Variants in NBPF20 observed in about 807,000 individuals in gnomAD.
The protein encoded by NBPF20 is NBPF member 20.
In NBPF20, 90 loss-of-function variants were observed where a neutral mutation model predicts 68.1. That is an observed-to-expected ratio of 1.32 (90% CI 1.11 to 1.58). NBPF20 has a LOEUF of 1.58. Ranked by LOEUF, NBPF20 falls within the 40% of genes most tolerant of loss-of-function variation. NBPF20 has a pLI of 0.00. For synonymous variants in NBPF20, 290 were observed against 228.1 expected (o/e 1.27, Z -2.45); for missense variants, 816 against 601.2 (o/e 1.36, Z -3.74).
At chr1:145,400,908 C>T (rs1233536093) in intron 5 of NBPF20, among the ~76,000 whole-genome samples, 151 bp downstream of exon 10, 3,242 of 151,878 alleles carry the variant, frequency 0.021, 42 homozygotes, top group Middle Eastern at 0.061. Flanking sequence ...TGACAGCTGC[C>T]GCACCCTGTG....
intron 129 of NBPF20, among the ~76,000 whole-genome samples, chr1:145,298,339 C>T (rs1434443995): frequency 7.1e-6 from 1 of 141,158 alleles, no homozygotes; most frequent in African/African-American, 3.0e-5. Flanking sequence ...TAGACACACA[C>T]ACACACACAC....
chr1:145,292,471 T>A (rs782258366), exon 137 of NBPF20: 2 of 716,774 alleles, frequency 2.8e-6, no homozygotes, highest in Non-Finnish European at 5.0e-6. Flanking sequence ...TTTCTTCCCC[T>A]TCCCCTTCTT....
upstream of NBPF20, among the ~76,000 whole-genome samples, chr1:145,405,955 GT>G (rs1662758660): frequency 6.7e-6 from 1 of 148,568 alleles, no homozygotes; most frequent in South Asian, 2.1e-4. Context: ...GTCTCACTCT[GT>G]CGCCCAGGCT....
intron 137 of NBPF20, 33 bp downstream of exon 142, chr1:145,292,348 C>T: frequency 1.5e-6 from 1 of 658,662 alleles, no homozygotes; most frequent in Non-Finnish European, 2.7e-6. Flanking sequence ...GGTGTTAACA[C>T]AGAATTAAGC....
the NBPF20 span, among the ~76,000 whole-genome samples, chr1:145,421,527 C>T: frequency 6.6e-6 from 1 of 152,068 alleles, no homozygotes; most frequent in East Asian, 1.9e-4. Flanking sequence ...ATTCATTTAA[C>T]AAATATTTAT....
chr1:145,378,084 C>G, exon 29 of NBPF20: 3 of 204,758 alleles, frequency 1.5e-5, no homozygotes, highest in East Asian at 2.3e-4. Flanking sequence ...CTTCTTGGTA[C>G]TTTTCAATTT....
At chr1:145,411,190 G>C in the NBPF20 span, among the ~76,000 whole-genome samples, 6 of 144,812 alleles carry the variant, frequency 4.1e-5, no homozygotes, top group African/African-American at 7.5e-5. Flanking sequence ...CAAAATGCCG[G>C]TTGGAATTTT....
intron 112 of NBPF20, among the ~76,000 whole-genome samples, 171 bp from the exon 118 acceptor site, chr1:145,311,659 G>C (rs1334525041): frequency 1.2e-4 from 3 of 25,792 alleles, no homozygotes; most frequent in Non-Finnish European, 1.7e-4. Context: ...AGATTCCTTG[G>C]TTTTTGTCCC....
exon 138 of NBPF20, chr1:145,291,538 T>C (rs782245134): frequency 1.9e-6 from 3 of 1,612,022 alleles, no homozygotes; most frequent in Non-Finnish European, 2.5e-6. Flanking sequence ...ATTGTGGGAA[T>C]ATGACTCCCA....
chr1:145,423,837 C>G, the NBPF20 span, among the ~76,000 whole-genome samples: 5 of 152,148 alleles, frequency 3.3e-5, no homozygotes, highest in African/African-American at 9.7e-5. Context: ...GGAAAACATT[C>G]AACAATATGT....
exon 138 of NBPF20, chr1:145,291,367 C>G (rs1186935915): frequency 2.2e-5 from 34 of 1,522,192 alleles, no homozygotes; most frequent in Non-Finnish European, 2.7e-5. Context: ...AGACTGAGCA[C>G]AGGTTGCCAC....
chr1:145,394,240 C>A (rs1280480784), intron 8 of NBPF20, among the ~76,000 whole-genome samples: 3 of 151,726 alleles, frequency 2.0e-5, no homozygotes, highest in Non-Finnish European at 4.4e-5. Flanking sequence ...AGTTCTAACA[C>A]CTCATAGGAG....
At chr1:145,396,329 G>C (rs1662236131) in intron 7 of NBPF20, among the ~76,000 whole-genome samples, 1 of 151,724 alleles carries the variant, frequency 6.6e-6, no homozygotes, top group South Asian at 2.1e-4. Flanking sequence ...AAATGAACAA[G>C]CCTCCAATAA....
At position 145,292,608 on chromosome 1, in the gene NBPF20, T is replaced by A. The variant is rs587661599; in HGVS notation, c.16589-119A>T. ...TCCCCAGCATAAGAATAGGACACTT[T>A]GAGAGATATATTTCAGGAGGCCTGA... On this transcript the variant is annotated intron_variant, in intron 136 of 137. Transcript: ENST00000369373. The A allele has an allele frequency of 8.0e-6, 6 of 747,870 alleles. 1 individual carries two copies. Among genetic ancestry groups the A allele is most frequent in the South Asian group, 5.5e-5 (4 of 72,898 alleles). The allele number at this position is 747,870 out of a possible 1,614,324, so 46.3% of individuals were successfully genotyped here. A position where few individuals can be genotyped will look rare whatever the true frequency, so the allele number is the denominator to read the frequency against.
At position 145,398,003 on chromosome 1, in the gene NBPF20, G is replaced by C. The variant is rs1316587237; in HGVS notation, c.827+1046C>G. Among the ~76,000 whole-genome samples the C allele has an allele frequency of 2.3e-3, 356 of 152,194 alleles. 8 individuals are homozygous for C. The highest frequency in any genetic ancestry group is 5.8e-4 in the East Asian group (3 of 5,180). ...GAGACAAAGAAGGCCACTACATAAT[G>C]GTAAAGGGATCAATTCAACAAGAGT... is the stretch of plus-strand genomic sequence containing the variant. On this transcript the variant is annotated intron_variant, in intron 7 of 137. Coordinates refer to ENST00000369373, the Ensembl canonical transcript of NBPF20.
chr1:145,392,848 G>C (rs1661975827), intron 10 of NBPF20, among the ~76,000 whole-genome samples: 1 of 97,944 alleles, frequency 1.0e-5, no homozygotes, highest in South Asian at 3.1e-4. Context: ...AGTAGGATTA[G>C]GGCACCACAG....
chr1:145,403,615 G>T (rs1553666080), intron 2 of NBPF20, among the ~76,000 whole-genome samples: 3 of 152,108 alleles, frequency 2.0e-5, no homozygotes, highest in African/African-American at 7.2e-5. Flanking sequence ...CTCTGAATGC[G>T]GGGCCACTTT....
At chr1:145,393,724 A>G (rs1662060580) in intron 9 of NBPF20, 160 bp downstream of exon 14, 3 of 1,502,692 alleles carry the variant, frequency 2.0e-6, no homozygotes, top group Non-Finnish European at 2.7e-6. Flanking sequence ...ATGGAAACCT[A>G]AACATGTACT....
chr1:145,408,901 G>A (rs1202755415), upstream of NBPF20, among the ~76,000 whole-genome samples: 2 of 150,972 alleles, frequency 1.3e-5, no homozygotes, highest in Admixed American at 6.6e-5. Flanking sequence ...AAATTAAGAT[G>A]ATGAAATCAA....
Sources: gnomAD v4.1 joint callset for allele counts (sites outside exome capture counted in the v4.1 genomes callset) on GRCh38, gnomAD v4.1.1 for gene constraint, MANE v1.5 for transcripts, NCBI Gene and HGNC (gene_info 2026-07-23, HGNC 2026-07-21) for gene names.